Variants in RFTN1 observed in about 807,000 individuals in gnomAD.
The protein encoded by RFTN1 is raftlin.
In RFTN1, 26 loss-of-function variants were observed where a neutral mutation model predicts 46.5. That is an observed-to-expected ratio of 0.56 (90% CI 0.41 to 0.78). RFTN1 has a LOEUF of 0.78. Among genes scored for constraint, RFTN1 ranks in the 30% least tolerant of loss-of-function variants. RFTN1 has a pLI of 0.00. For missense variants in RFTN1, 693 were observed against 718.7 expected (o/e 0.96, Z 0.41); for synonymous variants, 261 against 284.2 (o/e 0.92, Z 0.82).
At chr3:16,350,988 C>T (rs2072058535) in intron 7 of RFTN1, among the ~76,000 whole-genome samples, 1 of 152,118 alleles carries the variant, frequency 6.6e-6, no homozygotes, top group Non-Finnish European at 1.5e-5. Context: ...TGGTTGGGAG[C>T]CTTTGAAAGC....
In RFTN1 at chr3:16,356,000, C is replaced by A. The variant is rs548634215; in HGVS notation, c.1146+1932G>T. On this transcript the variant is annotated intron_variant, in intron 7 of 9. Transcript: ENST00000334133. Reference sequence around the variant, plus strand: ...ACATGTTTTGGGTGCAGCCATGCATCGCTACTGTTACAGCCAAATGTTACG... The same window carrying A: ...ACATGTTTTGGGTGCAGCCATGCATAGCTACTGTTACAGCCAAATGTTACG... Among the ~76,000 whole-genome samples, 18 of 152,308 alleles carry A rather than the reference C, an allele frequency of 1.2e-4. No individual in the cohort carries two copies. In the South Asian group the frequency reaches 3.7e-3, roughly 32 times the overall value.
Position 16,381,536 on chromosome 3 carries a change from T to C in RFTN1, c.442-3434A>G, listed in dbSNP as rs908870303. On this transcript the variant is annotated intron_variant, in intron 4 of 9. Transcript: ENST00000334133. The surrounding 1 kb of genome is among the most constrained non-coding windows in gnomAD (Gnocchi z 4.2). ...GAACTGGAGCATGCATGCCTCACCTTAAAGCATTCAAATCCAATTTTTTTT... is the reference window on the plus strand; with the variant it reads ...GAACTGGAGCATGCATGCCTCACCTCAAAGCATTCAAATCCAATTTTTTTT... 6.6e-6 allele frequency among the ~76,000 whole-genome samples: 1 copy of C among 151,910 alleles called. No homozygotes were observed. The highest frequency in any genetic ancestry group is 2.4e-5 in the African/African-American group (1 of 41,430).
At position 16,446,530 on chromosome 3, in the gene RFTN1, C is replaced by G. The variant is rs1020551022; in HGVS notation, c.146-12493G>C. Among the ~76,000 whole-genome samples the G allele has an allele frequency of 1.3e-5, 2 of 151,954 alleles. No individual in the cohort carries two copies. The highest frequency in any genetic ancestry group is 2.9e-5 in the Non-Finnish European group (2 of 67,998). On this transcript the variant is annotated intron_variant, in intron 2 of 9. Coordinates refer to ENST00000334133, the MANE Select transcript of RFTN1 (RefSeq NM_015150.2). This position sits in a 1 kb window ranked among gnomAD's most constrained non-coding sequence, Gnocchi z 4.5. ...GTGTGAGCAGGAGTTACAAAAGCAA[C>G]AGGAAGAAAAAAGCTGCTGAGTTGG...
Position 16,377,761 on chromosome 3 carries a change from C to T in RFTN1, c.783G>A (p.Pro261=), listed in dbSNP as rs772314486. The T allele has an allele frequency of 1.1e-5, 17 of 1,610,952 alleles. No homozygotes were observed. The highest frequency in any genetic ancestry group is 2.2e-5 in the East Asian group (1 of 44,780). The change falls in exon 5 of 10, where the codon CCG becomes CCA. Residue 261 remains proline (P), a synonymous_variant. Transcript: ENST00000334133. ...CATGCACCTCCAAGGGGTTGCTCTC[C>T]GGTCCATCCAGTGTCTTGCTCACCC... The part of the protein sequence containing the change: ...PQGVSKTLDG[P]ESNPLEVHEE...
chr3:16,332,831 C>T (rs999521027), intron 7 of RFTN1, among the ~76,000 whole-genome samples: 2 of 123,630 alleles, frequency 1.6e-5, no homozygotes, highest in African/African-American at 3.1e-5. Context: ...TTGTGGGCAT[C>T]GATTTATCTA....
intron 4 of RFTN1, among the ~76,000 whole-genome samples, chr3:16,408,083 TC>T (rs2074902353): frequency 1.3e-5 from 2 of 152,306 alleles, no homozygotes; most frequent in East Asian, 3.9e-4. Flanking sequence ...TACAGCCCTG[TC>T]CCAGCTGTCT....
rs2076689199 is a variant in RFTN1 at position 16,500,149 on chromosome 3, T to A, written c.-8-6272A>T. 6.6e-6 allele frequency among the ~76,000 whole-genome samples: 1 copy of A among 152,196 alleles called. No individual in the cohort carries two copies. Among genetic ancestry groups the A allele is most frequent in the African/African-American group, 2.4e-5 (1 of 41,442 alleles). On this transcript the variant is annotated intron_variant, in intron 1 of 9. Transcript: ENST00000334133. The surrounding 1 kb of genome is among the most constrained non-coding windows in gnomAD (Gnocchi z 5.9). ...AAAAACACATGCTAAAAGTCACCTG[T>A]GTCTAGTGAGACTCCCCCAGTACTT...
chr3:16,444,074 T>C (rs556671752), intron 2 of RFTN1, among the ~76,000 whole-genome samples: 1 of 152,344 alleles, frequency 6.6e-6, no homozygotes, highest in South Asian at 2.1e-4. Context: ...GTACTTTTGT[T>C]AGAGAAGACA....
chr3:16,447,252 G>A lies in RFTN1; in HGVS notation c.146-13215C>T, dbSNP rs1185512698. ...TCCTCTGTCTTATGACATCACAAAA[G>A]ATTCAACAAAACTCAGTCAAATGAG... is the stretch of plus-strand genomic sequence containing the variant. On this transcript the variant is annotated intron_variant, in intron 2 of 9. Transcript: ENST00000334133. This position sits in a 1 kb window ranked among gnomAD's most constrained non-coding sequence, Gnocchi z 5.9. 2.0e-5 allele frequency among the ~76,000 whole-genome samples: 3 copies of A among 152,180 alleles called. No homozygotes were observed. Among genetic ancestry groups the A allele is most frequent in the Non-Finnish European group, 4.4e-5 (3 of 68,038 alleles).
Position 16,380,289 on chromosome 3 carries a change from T to G in RFTN1, c.442-2187A>C, listed in dbSNP as rs1219751117. Among the ~76,000 whole-genome samples, 3 of 152,226 alleles carry G rather than the reference T, an allele frequency of 2.0e-5. No individual in the cohort carries two copies. The highest frequency in any genetic ancestry group is 4.4e-5 in the Non-Finnish European group (3 of 68,042). ...GTTGCACTGAAACTTAGTTTAGACA[T>G]TACATATGGCAAGTGCGCCAAAGGA... On this transcript the variant is annotated intron_variant, in intron 4 of 9. Coordinates refer to ENST00000334133, the MANE Select transcript of RFTN1 (RefSeq NM_015150.2). The surrounding 1 kb of genome is among the most constrained non-coding windows in gnomAD (Gnocchi z 4.8).
At chr3:16,347,118 T>C (rs145524660) in intron 7 of RFTN1, among the ~76,000 whole-genome samples, 3 of 152,320 alleles carry the variant, frequency 2.0e-5, no homozygotes, top group East Asian at 1.9e-4. Flanking sequence ...CCAGGGCCAA[T>C]TGTCCCAGTG....
At chr3:16,349,093 C>T (rs1333316016) in intron 7 of RFTN1, 2 of 152,226 alleles carry the variant, frequency 1.3e-5, no homozygotes, top group Non-Finnish European at 2.9e-5. Context: ...TAATCTCTTC[C>T]CCATCATTAT....
In RFTN1 at chr3:16,512,296, G is replaced by A. The variant is rs1559384477; in HGVS notation, c.-9+1146C>T. Reference sequence around the variant, plus strand: ...TCCTGAGATGACACACGATGGCAGGGGTTGGAAGATGCCTAGTCTAGTTGA... The same window carrying A: ...TCCTGAGATGACACACGATGGCAGGAGTTGGAAGATGCCTAGTCTAGTTGA... On this transcript the variant is annotated intron_variant, in intron 1 of 9. Coordinates refer to ENST00000334133, the MANE Select transcript of RFTN1 (RefSeq NM_015150.2). The surrounding 1 kb of genome is among the most constrained non-coding windows in gnomAD (Gnocchi z 4.3). 1.3e-5 allele frequency among the ~76,000 whole-genome samples: 2 copies of A among 152,186 alleles called. No homozygotes were observed. The highest frequency in any genetic ancestry group is 4.8e-5 in the African/African-American group (2 of 41,434).
intron 2 of RFTN1, among the ~76,000 whole-genome samples, chr3:16,464,759 C>G (rs1252174732): frequency 6.6e-6 from 1 of 152,230 alleles, no homozygotes; most frequent in Non-Finnish European, 1.5e-5. Context: ...TGCTTTGGCA[C>G]TACAAAAGCT....
rs1029429244 is a variant in RFTN1, at chr3:16,356,399, A to C, written c.1146+1533T>G. Reference sequence around the variant, plus strand: ...CCAGCCCCGGATGCTGTGACTTTCCAACTCCTGCTTCTGACGACTCCAGTT... The same window carrying C: ...CCAGCCCCGGATGCTGTGACTTTCCCACTCCTGCTTCTGACGACTCCAGTT... On this transcript the variant is annotated intron_variant, in intron 7 of 9. Transcript: ENST00000334133. The surrounding 1 kb of genome is among the most constrained non-coding windows in gnomAD (Gnocchi z 4.9). Among the ~76,000 whole-genome samples, 12 of 152,086 alleles carry C rather than the reference A, an allele frequency of 7.9e-5. No individual in the cohort carries two copies. Among genetic ancestry groups the C allele is most frequent in the African/African-American group, 2.4e-4 (10 of 41,402 alleles).
At chr3:16,357,859 G>C (rs540912300) in intron 7 of RFTN1, 73 bp downstream of exon 7, 7 of 932,122 alleles carry the variant, frequency 7.5e-6, no homozygotes, top group Middle Eastern at 2.2e-4. Flanking sequence ...ACAGCCCCAC[G>C]GTCAGATCAA....
chr3:16,391,976 G>A lies in RFTN1; in HGVS notation c.442-13874C>T, dbSNP rs190845139. On this transcript the variant is annotated intron_variant, in intron 4 of 9. Coordinates refer to ENST00000334133, the MANE Select transcript of RFTN1 (RefSeq NM_015150.2). Reference sequence around the variant, plus strand: ...TGGCTGCCTAAGTTATTAGGTAGTAGGTTTCTTTAACTGGAATCAGGAGAG... The same window carrying A: ...TGGCTGCCTAAGTTATTAGGTAGTAAGTTTCTTTAACTGGAATCAGGAGAG... Among the ~76,000 whole-genome samples the A allele has an allele frequency of 5.3e-4, 77 of 146,224 alleles. 1 individual carries two copies. The highest frequency in any genetic ancestry group is 3.0e-5 in the Non-Finnish European group (2 of 66,964).
chr3:16,332,976 T>C (rs948612275), intron 7 of RFTN1, among the ~76,000 whole-genome samples: 6 of 152,226 alleles, frequency 3.9e-5, no homozygotes, highest in African/African-American at 1.2e-4. Flanking sequence ...TGGAAGCATC[T>C]GGTCGCAACA....
chr3:16,394,817 TCTC>T (rs1421402377), intron 4 of RFTN1, among the ~76,000 whole-genome samples: 1 of 152,154 alleles, frequency 6.6e-6, no homozygotes, highest in Non-Finnish European at 1.5e-5. Flanking sequence ...AAAAATCAAC[TCTC>T]CTAATGTTAT....
Sources: gnomAD v4.1 joint callset for allele counts (sites outside exome capture counted in the v4.1 genomes callset) on GRCh38, gnomAD v4.1.1 for gene constraint, Gnocchi (gnomAD v3.1) non-coding constraint, MANE v1.5 for transcripts, NCBI Gene and HGNC (gene_info 2026-07-23, HGNC 2026-07-21) for gene names.